Variants in TENM3 observed in about 807,000 individuals in gnomAD.
The protein encoded by TENM3 is teneurin transmembrane protein 3.
A neutral mutation model predicts 255.1 loss-of-function variants in TENM3; 63 were observed. The ratio of observed to expected loss-of-function variants is 0.25; its 90% CI spans 0.20 to 0.30. The LOEUF is 0.30. TENM3 is among the 10% of genes least tolerant of loss of function. TENM3 has a pLI of 1.00. For missense variants in TENM3, 2,929 were observed against 3,461.1 expected, an observed-to-expected ratio of 0.85 and a Z score of 3.86; for synonymous variants, 1,306 against 1,322.3, an observed-to-expected ratio of 0.99 and a Z score of 0.27.
At chr4:182,610,565 C>T (rs961289854) in intron 4 of TENM3, among the ~76,000 whole-genome samples, 1 of 151,920 alleles carries the variant, frequency 6.6e-6, no homozygotes, top group Non-Finnish European at 1.5e-5. Flanking sequence ...TGCCTATAGC[C>T]CTAGCTATTC....
intron 3 of TENM3, among the ~76,000 whole-genome samples, chr4:182,489,348 G>A (rs1253666147): frequency 6.6e-6 from 1 of 152,040 alleles, no homozygotes; most frequent in East Asian, 1.9e-4. Context: ...ATTCTTACCA[G>A]ACAAATATTA....
At chr4:181,455,186 G>C in the TENM3 span, among the ~76,000 whole-genome samples, 1 of 152,108 alleles carries the variant, frequency 6.6e-6, no homozygotes, top group African/African-American at 2.4e-5. Flanking sequence ...TCTTCTAAAA[G>C]TACTAGGTAT....
At chr4:181,908,762 G>A in the TENM3 span, among the ~76,000 whole-genome samples, 1 of 152,022 alleles carries the variant, frequency 6.6e-6, no homozygotes, top group Non-Finnish European at 1.5e-5. Context: ...TGGAGTAAAA[G>A]ATAGTGTTAC....
rs557654727 is a variant in TENM3, at chr4:182,249,628, C to A, written c.-76+6152C>A. 1.2e-4 allele frequency among the ~76,000 whole-genome samples: 19 copies of A among 152,270 alleles called. No homozygotes were observed. In the South Asian group the frequency reaches 3.3e-3, roughly 27 times the overall value. ...AATGGGGTGGGAAATGTACGTCCCC[C>A]CACAGTGAGGGCACTAAGTGGTGGT... On this transcript the variant is annotated intron_variant, in intron 1 of 27. Coordinates refer to ENST00000511685, the MANE Select transcript of TENM3 (RefSeq NM_001080477.4).
rs765688719 is a variant in TENM3, at chr4:182,714,152, G to A, written c.2287G>A (p.Val763Met). The change falls in exon 13 of 28, where the codon GTG (valine) becomes ATG (methionine). Residue 763 changes from valine to methionine, a missense_variant. Coordinates refer to ENST00000511685, the MANE Select transcript of TENM3 (RefSeq NM_001080477.4). ...CTLDQNGWHC[V>M]CQPGWRGAGC... ...CCTGGACCAAAATGGCTGGCATTGT[G>A]TGTGCCAGCCTGGATGGAGAGGAGC... 14 of 1,613,180 alleles carry A rather than the reference G, an allele frequency of 8.7e-6. No homozygotes were observed. The African/African-American group carries it at 1.9e-4, about 22-fold the overall frequency.
the TENM3 span, among the ~76,000 whole-genome samples, chr4:181,582,081 G>C: frequency 6.6e-6 from 1 of 152,206 alleles, no homozygotes; most frequent in African/African-American, 2.4e-5. Context: ...ATGAGCACAA[G>C]CTCATATTGT....
At chr4:182,091,631 A>T in the TENM3 span, among the ~76,000 whole-genome samples, 3 of 152,306 alleles carry the variant, frequency 2.0e-5, no homozygotes, top group South Asian at 6.2e-4. Flanking sequence ...GGCACATCCT[A>T]GCTGGTGCTG....
At chr4:181,661,761 G>A in the TENM3 span, among the ~76,000 whole-genome samples, 3 of 151,884 alleles carry the variant, frequency 2.0e-5, no homozygotes, top group Admixed American at 2.0e-4. Flanking sequence ...CACAGTTAAT[G>A]AAAGGAGACA....
chr4:181,630,917 C>A, the TENM3 span, among the ~76,000 whole-genome samples: 1 of 152,072 alleles, frequency 6.6e-6, no homozygotes, highest in African/African-American at 2.4e-5. Context: ...TGCTGCATAA[C>A]AAAATTCTAC....
intron 3 of TENM3, among the ~76,000 whole-genome samples, chr4:182,594,535 A>G (rs1182328187): frequency 6.6e-6 from 1 of 152,132 alleles, no homozygotes; most frequent in Non-Finnish European, 1.5e-5. Flanking sequence ...AAATAAATCA[A>G]TAAAGTGAAC....
chr4:181,488,124 G>T, the TENM3 span, among the ~76,000 whole-genome samples: 1 of 152,178 alleles, frequency 6.6e-6, no homozygotes, highest in African/African-American at 2.4e-5. Context: ...TCTTGGCTTT[G>T]TACTGAGCCT....
chr4:181,653,992 A>G, the TENM3 span, among the ~76,000 whole-genome samples: 1 of 151,824 alleles, frequency 6.6e-6, no homozygotes, highest in Non-Finnish European at 1.5e-5. Context: ...TGGTGCCATC[A>G]TATTCCCAGC....
rs1055977499 is a variant in TENM3, at chr4:182,250,110, T to C, written c.-76+6634T>C. Among the ~76,000 whole-genome samples the C allele has an allele frequency of 4.7e-5, 7 of 149,652 alleles. No homozygotes were observed. In the South Asian group the frequency reaches 1.1e-3, roughly 23 times the overall value. Reference sequence around the variant, plus strand: ...CTCTGTCGCCCAGACTGGAGTGCAGTGGTGCGATCTGGGCTCACTGCAAGC... The same window carrying C: ...CTCTGTCGCCCAGACTGGAGTGCAGCGGTGCGATCTGGGCTCACTGCAAGC... On this transcript the variant is annotated intron_variant, in intron 1 of 27. Coordinates refer to ENST00000511685, the MANE Select transcript of TENM3 (RefSeq NM_001080477.4).
intron 1 of TENM3, among the ~76,000 whole-genome samples, chr4:182,302,376 C>A (rs1387597002): frequency 6.6e-6 from 1 of 152,108 alleles, no homozygotes; most frequent in African/African-American, 2.4e-5. Context: ...ATGGGTGATT[C>A]TTTTTGGGTC....
chr4:182,277,294 T>C (rs76337180), intron 1 of TENM3, among the ~76,000 whole-genome samples: 4,502 of 152,110 alleles, frequency 0.03, 255 homozygotes, highest in African/African-American at 0.1. Context: ...TGAAAATATC[T>C]CATTTCAGAG....
At chr4:182,783,866 C>T (rs2152815143) in intron 24 of TENM3, among the ~76,000 whole-genome samples, 1 of 152,014 alleles carries the variant, frequency 6.6e-6, no homozygotes, top group Non-Finnish European at 1.5e-5. Context: ...GAGGCTTCTG[C>T]ATTCTTCACG....
At chr4:181,536,964 A>G in the TENM3 span, among the ~76,000 whole-genome samples, 2 of 152,216 alleles carry the variant, frequency 1.3e-5, no homozygotes, top group Non-Finnish European at 2.9e-5. Flanking sequence ...TCAGAGCTTC[A>G]TCAGCTTATT....
At chr4:182,102,725 T>C in the TENM3 span, among the ~76,000 whole-genome samples, 2 of 152,186 alleles carry the variant, frequency 1.3e-5, 1 homozygote, top group African/African-American at 4.8e-5. Flanking sequence ...GGTCTGAGCC[T>C]GCCTCCGCCT....
At chr4:181,494,799 A>G in the TENM3 span, among the ~76,000 whole-genome samples, 4 of 152,046 alleles carry the variant, frequency 2.6e-5, no homozygotes, top group Non-Finnish European at 5.9e-5. Context: ...CTTTGGTGTC[A>G]TCTTTATAAA....
Sources: allele counts gnomAD v4.1 joint callset (sites outside exome capture counted in the v4.1 genomes callset), GRCh38; gene constraint gnomAD v4.1.1; transcripts MANE v1.5; gene names NCBI Gene and HGNC (gene_info 2026-07-23, HGNC 2026-07-21).